The following CFAP74 variants were observed in gnomAD, a reference collection of about 807,000 sequenced individuals.
CFAP74 encodes the protein cilia- and flagella-associated protein 74.
A neutral mutation model predicts 188.9 loss-of-function variants in CFAP74; 124 were observed. That is an observed-to-expected ratio of 0.66 (90% CI 0.57 to 0.76). CFAP74 has a LOEUF of 0.76. CFAP74 is among the 30% of genes least tolerant of loss of function. The probability of loss-of-function intolerance (pLI) is 0.00; values close to 1 mark genes in which losing one functional copy is unlikely to be tolerated. For missense variants in CFAP74, 2,198 were observed against 2,165.2 expected (o/e 1.02, Z -0.30); for synonymous variants, 956 against 916.7 (o/e 1.04, Z -0.77).
At chr1:1,987,644 C>A (rs928509777) in intron 4 of CFAP74, among the ~76,000 whole-genome samples, 1 of 152,042 alleles carries the variant, frequency 6.6e-6, no homozygotes, top group Admixed American at 6.5e-5. Flanking sequence ...CAGGTTCAAG[C>A]GATTCTGCTG....
intron 9 of CFAP74, among the ~76,000 whole-genome samples, chr1:1,971,243 G>A (rs960730622): frequency 2.1e-5 from 3 of 142,202 alleles, no homozygotes; most frequent in Non-Finnish European, 4.5e-5. Context: ...GCACACACAT[G>A]CACACACTCA....
At chr1:2,001,643 C>T (rs114867805) in intron 1 of CFAP74, among the ~76,000 whole-genome samples, 1,735 of 152,162 alleles carry the variant, frequency 0.011, 41 homozygotes, top group African/African-American at 0.04. Flanking sequence ...TTGTTAATTA[C>T]GAAGGAAAAA....
rs1000832107 is a variant in CFAP74 at position 1,956,550 on chromosome 1, G to A, written c.2016+70C>T. ...TTGATACCCTCATGTTGTCACCTCT[G>A]TTCACCCACATGGGACTGGATTTGG... On this transcript the variant is annotated intron_variant, in intron 17 of 38. Coordinates refer to ENST00000682832, the MANE Select transcript of CFAP74 (RefSeq NM_001304360.2). 3.2e-6 allele frequency: 5 copies of A among 1,584,464 alleles called. No homozygotes were observed. In the African/African-American group the frequency reaches 5.4e-5, roughly 17 times the overall value.
rs1218206421 is a variant in CFAP74 at position 1,927,762 on chromosome 1, C to A, written c.3388-16G>T. 2 of 1,548,218 alleles carry A rather than the reference C, an allele frequency of 1.3e-6. No individual in the cohort carries two copies. The highest frequency in any genetic ancestry group is 2.4e-5 in the East Asian group (1 of 40,918). ...TCTTTCGGAACTGTGGGGGGAGCGACTGGCTGTGGGGCTGTGCAGGGCCCT... is the reference window on the plus strand; with the variant it reads ...TCTTTCGGAACTGTGGGGGGAGCGAATGGCTGTGGGGCTGTGCAGGGCCCT... On this transcript the variant is annotated splice_polypyrimidine_tract_variant and intron_variant, in intron 27 of 38. Transcript: ENST00000682832.
At chr1:1,963,115 G>T (rs1276910660) in intron 14 of CFAP74, among the ~76,000 whole-genome samples, 1 of 152,160 alleles carries the variant, frequency 6.6e-6, no homozygotes, top group East Asian at 1.9e-4. Flanking sequence ...AATTGCCAGG[G>T]AAAACTTATC....
In CFAP74 at chr1:1,991,996, C is replaced by T. The variant is rs571808223; in HGVS notation, c.-19-1021G>A. On this transcript the variant is annotated intron_variant, in intron 1 of 38. Coordinates refer to ENST00000682832, the MANE Select transcript of CFAP74 (RefSeq NM_001304360.2). ...CGGAGCTTGCAGTGAGCCGAGATCGCGCCACTGCACTCCAGCCTGGGTGAC... is the reference window on the plus strand; with the variant it reads ...CGGAGCTTGCAGTGAGCCGAGATCGTGCCACTGCACTCCAGCCTGGGTGAC... Among the ~76,000 whole-genome samples, 1,340 of 148,846 alleles carry T rather than the reference C, an allele frequency of 9.0e-3. 14 individuals carry two copies. The highest frequency in any genetic ancestry group is 0.024 in the African/African-American group (944 of 40,022).
chr1:1,957,302 G>A (rs1654713449), intron 16 of CFAP74, among the ~76,000 whole-genome samples: 1 of 152,330 alleles, frequency 6.6e-6, no homozygotes, highest in African/African-American at 2.4e-5. Flanking sequence ...CCCCTCCTCG[G>A]GAGGCTTTTC....
intron 33 of CFAP74, among the ~76,000 whole-genome samples, chr1:1,925,057 AGGGCACACACTGGTGCGG>A (rs1651755629): frequency 6.9e-6 from 1 of 144,886 alleles, no homozygotes; most frequent in African/African-American, 2.6e-5. Flanking sequence ...CAAAGGCATG[AGGGCACACACTGGTGCGG>A]AGGCATGAGG....
intron 31 of CFAP74, 44 bp from the exon 32 acceptor site, chr1:1,926,391 C>T (rs1372358217): frequency 6.5e-7 from 1 of 1,550,160 alleles, no homozygotes; most frequent in Non-Finnish European, 8.7e-7. Flanking sequence ...TCTGCAGGCT[C>T]TACCACGCCC....
intron 2 of CFAP74, among the ~76,000 whole-genome samples, chr1:1,989,718 C>A (rs1657460276): frequency 6.6e-6 from 1 of 152,236 alleles, no homozygotes. Context: ...GTCTCGGCCT[C>A]CCCAAGTGCT....
In CFAP74 at chr1:1,940,807, T is replaced by C. The variant is rs78906393; in HGVS notation, c.2616-404A>G. ...TGATCTCTGATTACATAAGTTAACGTTGTTAAAGAACTATCAGGAAAAGGG... is the reference window on the plus strand; with the variant it reads ...TGATCTCTGATTACATAAGTTAACGCTGTTAAAGAACTATCAGGAAAAGGG... On this transcript the variant is annotated intron_variant, in intron 22 of 38. Transcript: ENST00000682832. 1.2e-4 allele frequency among the ~76,000 whole-genome samples: 19 copies of C among 152,328 alleles called. No homozygotes were observed. In the East Asian group the frequency reaches 3.5e-3, roughly 28 times the overall value.
At chr1:1,995,195 C>A (rs1211288970) in intron 1 of CFAP74, among the ~76,000 whole-genome samples, 1 of 151,850 alleles carries the variant, frequency 6.6e-6, no homozygotes, top group African/African-American at 2.4e-5. Context: ...TACTTTAATT[C>A]TCGTAAAAAT....
chr1:1,924,962 A>G (rs1651744933), intron 33 of CFAP74, among the ~76,000 whole-genome samples: 1 of 151,866 alleles, frequency 6.6e-6, no homozygotes, highest in African/African-American at 2.4e-5. Flanking sequence ...CCGGACCCAC[A>G]CTCGTGCGAA....
chr1:1,985,571 G>A (rs1657182776), intron 5 of CFAP74, 81 bp from the exon 6 acceptor site: 1 of 1,114,314 alleles, frequency 9.0e-7, no homozygotes, highest in African/African-American at 1.5e-5. Context: ...GGCACTCCCT[G>A]GCCTCCTCTC....
At chr1:1,941,743 C>T (rs954516607) in intron 22 of CFAP74, among the ~76,000 whole-genome samples, 12 of 152,286 alleles carry the variant, frequency 7.9e-5, no homozygotes, top group Admixed American at 1.3e-4. Flanking sequence ...ATGGGAGACA[C>T]GCAGCCTCCC....
At chr1:1,949,302 G>A (rs933194757) in intron 18 of CFAP74, among the ~76,000 whole-genome samples, 2 of 151,914 alleles carry the variant, frequency 1.3e-5, no homozygotes, top group South Asian at 2.1e-4. Flanking sequence ...GAGATTACAG[G>A]TGCGTGCCAC....
Position 1,926,680 on chromosome 1 carries a change from G to A in CFAP74, c.3744C>T (p.Thr1248=). 6.5e-7 allele frequency: 1 copy of A among 1,550,126 alleles called. No individual in the cohort carries two copies. The highest frequency in any genetic ancestry group is 1.2e-5 in the South Asian group (1 of 84,064). The change falls in exon 30 of 39, where the codon ACC becomes ACT. Residue 1248 remains threonine, a synonymous_variant. Coordinates refer to ENST00000682832, the MANE Select transcript of CFAP74 (RefSeq NM_001304360.2). The part of the protein sequence containing the change: ...SVVVTSHKGK[T]IFNFGDVAVG... ...CAGCGACGTCGCCGAAGTTAAAGAT[G>A]GTCTTGCCTTTATGGGACGTCACCA...
In CFAP74 at chr1:1,924,390, C is replaced by T; in HGVS notation, c.4234+1G>A. The T allele has an allele frequency of 6.1e-6, 4 of 654,210 alleles. No individual in the cohort carries two copies. Among genetic ancestry groups the T allele is most frequent in the Non-Finnish European group, 6.5e-6 (3 of 459,226 alleles). The allele number at this position is 654,210 out of a possible 1,614,324, so 40.5% of individuals were successfully genotyped here. ...CCACCCACCCCCCACCCCCCGCTCA[C>T]CGACCACCTCCGTCCTCTGGGAGGG... is the stretch of plus-strand genomic sequence containing the variant. On this transcript the variant is annotated splice_donor_variant, in intron 34 of 38. Coordinates refer to ENST00000682832, the MANE Select transcript of CFAP74 (RefSeq NM_001304360.2). LOFTEE classifies it high-confidence loss of function.
chr1:1,961,747 C>T (rs562497456), intron 14 of CFAP74, among the ~76,000 whole-genome samples: 53 of 152,284 alleles, frequency 3.5e-4, no homozygotes, highest in African/African-American at 1.1e-3. Flanking sequence ...TCTCCATGCC[C>T]GCCTTCACAG....
Sources: gnomAD v4.1 joint callset for allele counts (sites outside exome capture counted in the v4.1 genomes callset) on GRCh38, gnomAD v4.1.1 for gene constraint, MANE v1.5 for transcripts, NCBI Gene and HGNC (gene_info 2026-07-23, HGNC 2026-07-21) for gene names.